Variants in CASZ1 observed in about 807,000 individuals in gnomAD.
The protein encoded by CASZ1 is castor zinc finger 1.
CASZ1 carries 28 observed loss-of-function variants against 135.2 expected under a neutral mutation model. That is an observed-to-expected ratio of 0.21 (90% confidence interval 0.15 to 0.28). The LOEUF is 0.28. CASZ1 is among the 10% of genes least tolerant of loss of function. The pLI, the probability that CASZ1 is intolerant of heterozygous loss-of-function variation, is 1.00. For synonymous variants in CASZ1, 1,068 were observed against 1,073.4 expected, an observed-to-expected ratio of 0.99 and a Z score of 0.10; for missense variants, 2,161 against 2,453.3, an observed-to-expected ratio of 0.88 and a Z score of 2.52.
intron 15 of CASZ1, chr1:10,648,498 T>C: frequency 4.2e-6 from 1 of 238,350 alleles, no homozygotes; most frequent in Non-Finnish European, 8.2e-6. Context: ...CACAGCAGGC[T>C]TCCCCGCGGG....
intron 3 of CASZ1, among the ~76,000 whole-genome samples, chr1:10,696,787 T>C (rs1034081523): frequency 4.6e-5 from 7 of 152,260 alleles, no homozygotes; most frequent in Non-Finnish European, 1.0e-4. Context: ...TGGCTCTGAA[T>C]GTCTTCCTGG....
chr1:10,708,756 A>G (rs1288570601), intron 2 of CASZ1, among the ~76,000 whole-genome samples: 14 of 152,066 alleles, frequency 9.2e-5, no homozygotes, highest in Non-Finnish European at 1.5e-4. Context: ...ATCATTAATT[A>G]TAAAAGAGAG....
rs1456078284 is a variant in CASZ1 at position 10,697,825 on chromosome 1, CA to C, written c.-23-3914del. ...TGGGCCAGGGCACAGAAGCCTTGGC[CA>C]AAGGACTGCGTGTGCCTGCGAACAA... On this transcript the variant is annotated intron_variant, in intron 3 of 20. Coordinates refer to ENST00000377022, the MANE Select transcript of CASZ1 (RefSeq NM_001079843.3). This position sits in a 1 kb window ranked among gnomAD's most constrained non-coding sequence, Gnocchi z 4.7. Among the ~76,000 whole-genome samples the C allele has an allele frequency of 6.6e-6, 1 of 152,256 alleles. No individual in the cohort carries two copies. The highest frequency in any genetic ancestry group is 2.4e-5 in the African/African-American group (1 of 41,472).
chr1:10,685,904 C>G (rs1433757722), intron 4 of CASZ1, among the ~76,000 whole-genome samples: 1 of 152,224 alleles, frequency 6.6e-6, no homozygotes, highest in African/African-American at 2.4e-5. Context: ...TCAGAGGAGC[C>G]GGAAAGAGGC....
At chr1:10,686,200 T>G (rs1638582010) in intron 4 of CASZ1, among the ~76,000 whole-genome samples, 1 of 152,154 alleles carries the variant, frequency 6.6e-6, no homozygotes, top group African/African-American at 2.4e-5. Flanking sequence ...CTCTTCCCTC[T>G]CAAGGTCACA....
rs144838245 is a variant in CASZ1, at chr1:10,790,296, CG to C, written c.-234+6267del. 3.7e-3 allele frequency among the ~76,000 whole-genome samples: 568 copies of C among 152,344 alleles called. 3 individuals are homozygous for C. The highest frequency in any genetic ancestry group is 6.4e-3 in the Non-Finnish European group (436 of 68,040). ...CGCCACGTATCCCGGGCACAGGGAC[CG>C]GCCTTATCGGTCTGCCGGGCTGCCC... On this transcript the variant is annotated intron_variant, in intron 1 of 20. Coordinates refer to ENST00000377022, the MANE Select transcript of CASZ1 (RefSeq NM_001079843.3).
At chr1:10,737,446 T>C (rs936288348) in intron 2 of CASZ1, among the ~76,000 whole-genome samples, 20 of 152,234 alleles carry the variant, frequency 1.3e-4, no homozygotes, top group Non-Finnish European at 2.6e-4. Context: ...CCTCACGTCC[T>C]GGCTGCCCCG....
chr1:10,770,282 G>T (rs183615393), intron 1 of CASZ1, among the ~76,000 whole-genome samples: 3 of 152,086 alleles, frequency 2.0e-5, no homozygotes, highest in African/African-American at 7.2e-5. Flanking sequence ...ACAGGGTTTT[G>T]CCATGTCACC....
chr1:10,732,787 C>T (rs2100512266), intron 2 of CASZ1, among the ~76,000 whole-genome samples: 1 of 152,322 alleles, frequency 6.6e-6, no homozygotes, highest in African/African-American at 2.4e-5. Context: ...TGAGGTAACA[C>T]TGCCCTGGGC....
chr1:10,658,147 C>T, intron 7 of CASZ1: 1 of 244,356 alleles, frequency 4.1e-6, no homozygotes, highest in Non-Finnish European at 8.2e-6. Context: ...TCTACCTTCC[C>T]AGCCCTGACA....
intron 1 of CASZ1, among the ~76,000 whole-genome samples, chr1:10,765,509 G>T (rs1640458689): frequency 6.6e-6 from 1 of 152,160 alleles, no homozygotes; most frequent in Admixed American, 6.5e-5. Context: ...GCCCACGACG[G>T]GTACGCCCAA....
rs1357102241 is a variant in CASZ1, at chr1:10,707,109, C to G, written c.-76-1565G>C. ...GGCCCTGGCTGGGGTGTCATCTTCA[C>G]TGTCCCGTCCGTCCCACACACTCCT... On this transcript the variant is annotated intron_variant, in intron 2 of 20. Transcript: ENST00000377022. This position sits in a 1 kb window ranked among gnomAD's most constrained non-coding sequence, Gnocchi z 5.0. 6.6e-6 allele frequency among the ~76,000 whole-genome samples: 1 copy of G among 152,026 alleles called. No homozygotes were observed. The highest frequency in any genetic ancestry group is 1.9e-4 in the East Asian group (1 of 5,164).
At chr1:10,668,598 C>G (rs1477027588) in intron 4 of CASZ1, among the ~76,000 whole-genome samples, 1 of 152,272 alleles carries the variant, frequency 6.6e-6, no homozygotes, top group Admixed American at 6.5e-5. Flanking sequence ...AGCCCACTCT[C>G]TGCTGGTGGC....
At chr1:10,771,155 C>T (rs546884867) in intron 1 of CASZ1, among the ~76,000 whole-genome samples, 3 of 152,038 alleles carry the variant, frequency 2.0e-5, no homozygotes, top group Non-Finnish European at 2.9e-5. Flanking sequence ...TTCTCCATAG[C>T]GCCAAGCTGG....
intron 2 of CASZ1, among the ~76,000 whole-genome samples, chr1:10,722,311 G>A (rs1303669639): frequency 6.6e-6 from 1 of 152,214 alleles, no homozygotes; most frequent in Non-Finnish European, 1.5e-5. Flanking sequence ...AACATGTTTT[G>A]CTGAAGACAC....
chr1:10,660,846 C>A, intron 5 of CASZ1: 1 of 394,244 alleles, frequency 2.5e-6, no homozygotes, highest in Non-Finnish European at 4.6e-6. Context: ...TCTCCGCTCT[C>A]TCGCCTTGGC....
At chr1:10,655,623 C>T in intron 9 of CASZ1, 26 bp downstream of exon 9, 1 of 1,597,006 alleles carries the variant, frequency 6.3e-7, no homozygotes, top group East Asian at 2.3e-5. Context: ...CTGCAGCTGC[C>T]CAGTGGGCCC....
chr1:10,653,351 T>C, intron 11 of CASZ1, 26 bp downstream of exon 11: 2 of 1,612,364 alleles, frequency 1.2e-6, no homozygotes, highest in Non-Finnish European at 1.7e-6. Context: ...GGTGCCTGCT[T>C]TCTGGGCAGG....
chr1:10,693,206 T>C (rs950378502), intron 4 of CASZ1, among the ~76,000 whole-genome samples: 1 of 151,950 alleles, frequency 6.6e-6, no homozygotes, highest in Non-Finnish European at 1.5e-5. Flanking sequence ...GGGTGGGGGC[T>C]AAAGAGGCAG....
Sources: gnomAD v4.1 joint callset for allele counts (sites outside exome capture counted in the v4.1 genomes callset) on GRCh38, gnomAD v4.1.1 for gene constraint, Gnocchi (gnomAD v3.1) non-coding constraint, MANE v1.5 for transcripts, NCBI Gene and HGNC (gene_info 2026-07-23, HGNC 2026-07-21) for gene names.